Variants in TNPO1 observed in about 807,000 individuals in gnomAD.
TNPO1 encodes transportin 1, also known as transportin-1.
TNPO1 carries 8 observed loss-of-function variants against 119.5 expected under a neutral mutation model. That is an observed-to-expected ratio of 0.07 (90% confidence interval 0.04 to 0.12). The LOEUF (loss-of-function observed/expected upper bound fraction) is 0.12, where lower values mean the gene tolerates loss of function less well. TNPO1 is among the 10% of genes least tolerant of loss of function. TNPO1 has a pLI of 1.00. For missense variants in TNPO1, 576 were observed against 1,089.8 expected, an observed-to-expected ratio of 0.53 and a Z score of 6.64; for synonymous variants, 362 against 363.0, an observed-to-expected ratio of 1.00 and a Z score of 0.03.
chr5:72,904,771 T>G (rs1404290392), intron 23 of TNPO1, among the ~76,000 whole-genome samples: 1 of 152,162 alleles, frequency 6.6e-6, no homozygotes, highest in African/African-American at 2.4e-5. Context: ...CACTCCAGCA[T>G]GAGCAATAAG....
At chr5:72,876,285 A>G (rs1022396036) in intron 8 of TNPO1, among the ~76,000 whole-genome samples, 1 of 152,194 alleles carries the variant, frequency 6.6e-6, no homozygotes, top group Non-Finnish European at 1.5e-5. Context: ...TTGGCCTATG[A>G]CACTGTTGTG....
intron 13 of TNPO1, among the ~76,000 whole-genome samples, chr5:72,888,675 A>T (rs1034958441): frequency 2.0e-5 from 3 of 152,208 alleles, no homozygotes; most frequent in Admixed American, 6.5e-5. Context: ...TCCCTCAGAC[A>T]TCTGAACTAG....
chr5:72,851,163 A>T, intron 2 of TNPO1, 81 bp from the exon 3 acceptor site: 1 of 848,844 alleles, frequency 1.2e-6, no homozygotes, highest in East Asian at 2.5e-5. Context: ...CACCAAAGAG[A>T]TCCTTGATTT....
intron 4 of TNPO1, among the ~76,000 whole-genome samples, chr5:72,861,073 G>C (rs574768182): frequency 6.6e-6 from 1 of 151,816 alleles, no homozygotes; most frequent in Admixed American, 6.6e-5. Flanking sequence ...CCACATGCCC[G>C]GCTAGTTATG....
chr5:72,824,939 C>G (rs769474742), intron 1 of TNPO1, among the ~76,000 whole-genome samples: 1 of 152,228 alleles, frequency 6.6e-6, no homozygotes, highest in African/African-American at 2.4e-5. Context: ...CCCACAGACT[C>G]TCCCATTTCT....
chr5:72,843,170 A>G (rs1744985893), intron 1 of TNPO1, among the ~76,000 whole-genome samples: 1 of 152,190 alleles, frequency 6.6e-6, no homozygotes, highest in Non-Finnish European at 1.5e-5. Context: ...ATGACTTGTA[A>G]ATGTCTTGTT....
chr5:72,892,290 T>C (rs2112458806), intron 15 of TNPO1, among the ~76,000 whole-genome samples: 1 of 152,280 alleles, frequency 6.6e-6, no homozygotes, highest in East Asian at 1.9e-4. Context: ...TACTTTTTTT[T>C]TTAACACCCC....
At chr5:72,831,479 G>A (rs1744463321) in intron 1 of TNPO1, among the ~76,000 whole-genome samples, 1 of 151,798 alleles carries the variant, frequency 6.6e-6, no homozygotes, top group South Asian at 2.1e-4. Context: ...TACTATTACT[G>A]TTTCTGTATT....
intron 9 of TNPO1, among the ~76,000 whole-genome samples, chr5:72,881,140 G>T (rs1174071209): frequency 6.6e-6 from 1 of 151,628 alleles, no homozygotes; most frequent in Non-Finnish European, 1.5e-5. Flanking sequence ...AGATGGAGTC[G>T]CACTCTGTTT....
chr5:72,838,314 A>T (rs1181684729), intron 1 of TNPO1, among the ~76,000 whole-genome samples: 1 of 152,224 alleles, frequency 6.6e-6, no homozygotes, highest in African/African-American at 2.4e-5. Flanking sequence ...ATCGAACGGC[A>T]ATAAAACAGT....
chr5:72,888,572 T>G (rs1748822860), intron 13 of TNPO1, among the ~76,000 whole-genome samples: 1 of 152,232 alleles, frequency 6.6e-6, no homozygotes, highest in South Asian at 2.1e-4. Context: ...ATTTTGTAGA[T>G]CTAAATGTGA....
intron 6 of TNPO1, among the ~76,000 whole-genome samples, chr5:72,871,430 CA>C (rs1344583478): frequency 6.6e-6 from 1 of 152,030 alleles, no homozygotes; most frequent in Non-Finnish European, 1.5e-5. Flanking sequence ...ACTGCAGAAC[CA>C]AAAATCAACT....
chr5:72,895,740 C>T (rs1749384306), intron 18 of TNPO1, among the ~76,000 whole-genome samples: 1 of 152,134 alleles, frequency 6.6e-6, no homozygotes, highest in South Asian at 2.1e-4. Context: ...GAGGTAAAAT[C>T]ATATAGCAGA....
intron 6 of TNPO1, among the ~76,000 whole-genome samples, chr5:72,868,150 T>C (rs1308832696): frequency 6.6e-6 from 1 of 152,108 alleles, no homozygotes; most frequent in Admixed American, 6.6e-5. Context: ...GAGCTTAATA[T>C]GGCCGGGCGC....
chr5:72,828,284 CAG>C (rs1311491622), intron 1 of TNPO1, among the ~76,000 whole-genome samples: 2 of 152,130 alleles, frequency 1.3e-5, no homozygotes, highest in African/African-American at 4.8e-5. Context: ...CAATGGGAGA[CAG>C]TGACTATTTA....
At chr5:72,831,783 A>G (rs1744485175) in intron 1 of TNPO1, among the ~76,000 whole-genome samples, 1 of 152,018 alleles carries the variant, frequency 6.6e-6, no homozygotes, top group Non-Finnish European at 1.5e-5. Context: ...TGTTTTCTTC[A>G]TAGTATGCCT....
chr5:72,904,892 C>T (rs1407358312), intron 23 of TNPO1, among the ~76,000 whole-genome samples: 1 of 152,186 alleles, frequency 6.6e-6, no homozygotes, highest in Non-Finnish European at 1.5e-5. Context: ...GGGGAGGCCT[C>T]ACTGTCATGG....
In TNPO1 at chr5:72,861,184, T is replaced by C. The variant is rs556307242; in HGVS notation, c.356-624T>C. On this transcript the variant is annotated intron_variant, in intron 4 of 24. Coordinates refer to ENST00000337273, the MANE Select transcript of TNPO1 (RefSeq NM_002270.4). ...CCTCGGCCTCCCAAAGTGCTGGGAT[T>C]ACAGGTGTGAGCCACCGTGCCCAGC... 2.0e-3 allele frequency among the ~76,000 whole-genome samples: 307 copies of C among 152,288 alleles called. 6 individuals are homozygous for C. In the South Asian group the frequency reaches 0.056, roughly 28 times the overall value.
At chr5:72,872,979 G>A (rs1747516609) in intron 7 of TNPO1, among the ~76,000 whole-genome samples, 1 of 151,968 alleles carries the variant, frequency 6.6e-6, no homozygotes, top group African/African-American at 2.4e-5. Flanking sequence ...GGTATGTTTA[G>A]TATCTTGACT....
Sources: gnomAD v4.1 joint callset for allele counts (sites outside exome capture counted in the v4.1 genomes callset) on GRCh38, gnomAD v4.1.1 for gene constraint, MANE v1.5 for transcripts, NCBI Gene and HGNC (gene_info 2026-07-23, HGNC 2026-07-21) for gene names.